Variants in TMEM120A observed in about 807,000 individuals in gnomAD.
TMEM120A encodes the protein ion channel TACAN.
In TMEM120A, 45 loss-of-function variants were observed where a neutral mutation model predicts 54.3. The ratio of observed to expected loss-of-function variants is 0.83; its 90% CI spans 0.65 to 1.06. TMEM120A has a LOEUF of 1.06. Ranked by LOEUF, TMEM120A falls within the 50% of genes least tolerant of loss-of-function variation. TMEM120A has a pLI of 0.00. For synonymous variants in TMEM120A, 204 were observed against 178.5 expected, an observed-to-expected ratio of 1.14 and a Z score of -1.14; for missense variants, 424 against 441.7, an observed-to-expected ratio of 0.96 and a Z score of 0.36.
chr7:75,992,407 T>C lies in TMEM120A; in HGVS notation c.200+32A>G, dbSNP rs781789514. 2.5e-6 allele frequency: 4 copies of C among 1,579,870 alleles called. No homozygotes were observed. The Admixed American group carries it at 5.4e-5, about 21-fold the overall frequency. On this transcript the variant is annotated intron_variant, in intron 2 of 11. Coordinates refer to ENST00000493111, the MANE Select transcript of TMEM120A (RefSeq NM_031925.3). ...GCGCCAGCCCTCCCACCCCACACTC[T>C]GCCCATGGCGGGTGGGGTAGGGGAT...
rs1319337751 is a variant in TMEM120A at position 75,987,432 on chromosome 7, A to G, written c.850-4T>C. On this transcript the variant is annotated splice_polypyrimidine_tract_variant and splice_region_variant and intron_variant, in intron 10 of 11. Transcript: ENST00000493111. ...GCGCGTTAAAAAGCTGCCAGAACTA[A>G]GCAGGGAGGAGGCATTTTACTCAGA... is the stretch of plus-strand genomic sequence containing the variant. The G allele has an allele frequency of 1.3e-6, 2 of 1,560,296 alleles. No homozygotes were observed. Among genetic ancestry groups the G allele is most frequent in the African/African-American group, 1.4e-5 (1 of 73,336 alleles).
Position 75,987,569 on chromosome 7 carries a change from G to C in TMEM120A, c.818C>G (p.Thr273Ser), listed in dbSNP as rs1164198145. The change falls in exon 10 of 12, where the codon ACC becomes AGC. Residue 273 changes from threonine (T) to serine (S), a missense_variant. Physicochemically the swap from Thr to Ser is moderately conservative, Grantham distance 58 (BLOSUM62 1). Transcript: ENST00000493111. ...AAAGAAAAGAAAAGGCAGCAGGAAG[G>C]TGAGGCCCCGCCACATCCAGGACTG... is the stretch of plus-strand genomic sequence containing the variant. Reference protein sequence around the residue: ...GFQSWMWRGLTFLLPFLFFGH... With the variant: ...GFQSWMWRGLSFLLPFLFFGH... The C allele has an allele frequency of 2.5e-6, 4 of 1,600,604 alleles. No homozygotes were observed. Among genetic ancestry groups the C allele is most frequent in the Non-Finnish European group, 3.4e-6 (4 of 1,173,700 alleles).
At chr7:75,991,689 C>T (rs983069642) in intron 3 of TMEM120A, among the ~76,000 whole-genome samples, 17 of 152,142 alleles carry the variant, frequency 1.1e-4, no homozygotes, top group African/African-American at 4.1e-4. Context: ...CAGGCATGAG[C>T]CACCGCGCCC....
At position 75,992,182 on chromosome 7, in the gene TMEM120A, G is replaced by C. The variant is rs782102457; in HGVS notation, c.279C>G (p.Leu93=). The part of the protein sequence containing the change: ...LENQMKERQG[L]FFDMEAYLPK... ...GCAAATAGGCCTCCATGTCAAAGAAGAGGCCTTGGCGCTCTTTCATCTGGT... is the reference window on the plus strand; with the variant it reads ...GCAAATAGGCCTCCATGTCAAAGAACAGGCCTTGGCGCTCTTTCATCTGGT... The change falls in exon 3 of 12, where the codon CTC becomes CTG. Residue 93 remains leucine, a synonymous_variant. Coordinates refer to ENST00000493111, the MANE Select transcript of TMEM120A (RefSeq NM_031925.3). 4 of 1,611,190 alleles carry C rather than the reference G, an allele frequency of 2.5e-6. No homozygotes were observed. The highest frequency in any genetic ancestry group is 2.2e-5 in the East Asian group (1 of 44,832).
At chr7:75,988,039 C>A in intron 7 of TMEM120A, 44 bp downstream of exon 7, 1 of 1,596,556 alleles carries the variant, frequency 6.3e-7, no homozygotes, top group African/African-American at 1.3e-5. Context: ...CGTGTATCCC[C>A]TCCTTGTCCC....
chr7:75,988,042 C>T, intron 7 of TMEM120A, 41 bp downstream of exon 7: 2 of 1,596,868 alleles, frequency 1.3e-6, no homozygotes, highest in Non-Finnish European at 1.7e-6. Flanking sequence ...GTATCCCCTC[C>T]TTGTCCCAGC....
chr7:75,987,845 G>A (rs532378396), intron 8 of TMEM120A, 35 bp from the exon 9 acceptor site: 5 of 1,604,114 alleles, frequency 3.1e-6, no homozygotes, highest in Non-Finnish European at 4.3e-6. Context: ...GCAGGGCTGA[G>A]CCCCGGGAGG....
rs1383269112 is a variant in TMEM120A at position 75,987,816 on chromosome 7, C to G, written c.692-6G>C. 1.2e-6 allele frequency: 2 copies of G among 1,610,778 alleles called. No individual in the cohort carries two copies. The highest frequency in any genetic ancestry group is 1.7e-6 in the Non-Finnish European group (2 of 1,179,172). On this transcript the variant is annotated splice_region_variant and splice_polypyrimidine_tract_variant and intron_variant, in intron 8 of 11. Transcript: ENST00000493111. ...CTGGAGAAACTGCACGAAGCCTGGG[C>G]CGGGCGGAGGACAGAGGAGCAGGGC...
rs1554562056 is a variant in TMEM120A, at chr7:75,992,429, G to A, written c.200+10C>T. 6.3e-7 allele frequency: 1 copy of A among 1,587,572 alleles called. No individual in the cohort carries two copies. Among genetic ancestry groups the A allele is most frequent in the Non-Finnish European group, 8.6e-7 (1 of 1,166,942 alleles). ...CTCTGCCCATGGCGGGTGGGGTAGG[G>A]GATCCTAACTTCTTCAGGGCGAGGG... On this transcript the variant is annotated intron_variant, in intron 2 of 11. Coordinates refer to ENST00000493111, the MANE Select transcript of TMEM120A (RefSeq NM_031925.3).
At chr7:75,987,899 A>G (rs1554560382) in intron 8 of TMEM120A, 24 bp downstream of exon 8, 1 of 1,600,512 alleles carries the variant, frequency 6.2e-7, no homozygotes, top group Non-Finnish European at 8.5e-7. Context: ...TCCAGGGCTC[A>G]GCACAGACAT....
chr7:75,987,400 A>G lies in TMEM120A; in HGVS notation c.878T>C (p.Leu293Ser). The change falls in exon 11 of 12, where the codon TTG becomes TCG. Residue 293 changes from leucine (L) to serine (S), a missense_variant. Physicochemically the swap from Leu to Ser is moderately radical, Grantham distance 145 (BLOSUM62 -2). Coordinates refer to ENST00000493111, the MANE Select transcript of TMEM120A (RefSeq NM_031925.3). ...CTGAGGGTCCTGGGCCAGGTTGAAC[A>G]ACGTCAGCGCGTTAAAAAGCTGCCA... ...HFWQLFNALTLFNLAQDPQCK... is the reference protein window; with the variant it reads ...HFWQLFNALTSFNLAQDPQCK... The G allele has an allele frequency of 6.4e-7, 1 of 1,565,286 alleles. No individual in the cohort carries two copies. The highest frequency in any genetic ancestry group is 8.7e-7 in the Non-Finnish European group (1 of 1,155,286).
At position 75,992,548 on chromosome 7, in the gene TMEM120A, G is replaced by T. The variant is rs781814451; in HGVS notation, c.91C>A (p.Arg31=). The part of the protein sequence containing the change: ...QDFQNIQETH[R]LYRLKLEELT... The stretch of plus-strand genomic sequence containing the variant: ...TCCTCCAGCTTCAGGCGGTAGAGCC[G>T]ATGGGTCTCCTGGGGGCCGGAGGGG... Residue 31 remains arginine (R), a synonymous_variant, in exon 2 of 12, where the codon CGG becomes AGG. Transcript: ENST00000493111. The T allele has an allele frequency of 3.2e-6, 5 of 1,575,964 alleles. No homozygotes were observed. The highest frequency in any genetic ancestry group is 4.3e-6 in the Non-Finnish European group (5 of 1,161,994).
In TMEM120A at chr7:75,992,166, C is replaced by T; in HGVS notation, c.295G>A (p.Ala99Thr). 2 of 1,608,922 alleles carry T rather than the reference C, an allele frequency of 1.2e-6. No homozygotes were observed. Among genetic ancestry groups the T allele is most frequent in the East Asian group, 2.2e-5 (1 of 44,762 alleles). The change falls in exon 3 of 12, where the codon GCC (alanine) becomes ACC (threonine). Residue 99 changes from alanine (A) to threonine (T), a missense_variant. Ala to Thr is a moderately conservative substitution (Grantham distance 58). Transcript: ENST00000493111. Reference sequence around the variant, plus strand: ...CACCCATTCTTCTTAGGCAAATAGGCCTCCATGTCAAAGAAGAGGCCTTGG... The same window carrying T: ...CACCCATTCTTCTTAGGCAAATAGGTCTCCATGTCAAAGAAGAGGCCTTGG... ...ERQGLFFDME[A>T]YLPKKNGLYL...
At chr7:75,992,363 C>G in intron 2 of TMEM120A, 76 bp downstream of exon 2, 1 of 1,551,642 alleles carries the variant, frequency 6.4e-7, no homozygotes, top group Non-Finnish European at 8.8e-7. Flanking sequence ...AGGGGAGGGG[C>G]GGTGCCCAGG....
Position 75,988,500 on chromosome 7 carries a change from C to A in TMEM120A, c.394G>T (p.Glu132Ter), listed in dbSNP as rs782766666. The change falls in exon 5 of 12, where the codon GAG (glutamate) becomes TAG (stop). Residue 132 changes from glutamate (E) to a stop codon, truncating the protein, a stop_gained. Coordinates refer to ENST00000493111, the MANE Select transcript of TMEM120A (RefSeq NM_031925.3). LOFTEE classifies it high-confidence loss of function. The stretch of plus-strand genomic sequence containing the variant: ...AGGTAGAGCTTGAACTTCTCATACT[C>A]GTCCTTGTAGGCAAACCTGGGGGGC... ...SKQAKFAYKD[E>*]YEKFKLYLTI... 4.2e-5 allele frequency: 68 copies of A among 1,606,920 alleles called. No homozygotes were observed. Among genetic ancestry groups the A allele is most frequent in the Non-Finnish European group, 1.0e-5 (12 of 1,178,684 alleles).
Position 75,994,571 on chromosome 7 carries a change from G to A in TMEM120A, c.-1C>T, listed in dbSNP as rs782151204. 1.3e-6 allele frequency: 2 copies of A among 1,540,546 alleles called. No homozygotes were observed. The highest frequency in any genetic ancestry group is 2.5e-5 in the East Asian group (1 of 39,276). On this transcript the variant is annotated 5_prime_UTR_variant, in exon 1 of 12. Transcript: ENST00000493111. ...GCGGGCCCGGGGGCGGGGGCTGCAT[G>A]GCTGCAGCGCCAGTAGCCAGTAGTG...
chr7:75,987,960 T>C lies in TMEM120A; in HGVS notation c.654A>G (p.Lys218=). 6.2e-7 allele frequency: 1 copy of C among 1,603,286 alleles called. No individual in the cohort carries two copies. The highest frequency in any genetic ancestry group is 8.5e-7 in the Non-Finnish European group (1 of 1,175,444). ...LTWPDGLMYQ[K]FRNQFLSFSM... ...AAAAGGAGAGGAATTGGTTCCGGAA[T>C]TTCTGGTACATGAGACCGTCGGGCC... The change falls in exon 8 of 12, where the codon AAA becomes AAG. Residue 218 remains lysine, a synonymous_variant. Transcript: ENST00000493111.
chr7:75,987,273 C>CGCA lies in TMEM120A; in HGVS notation c.928_930dup (p.Cys310dup). On this transcript the variant is annotated inframe_insertion, in exon 12 of 12. Transcript: ENST00000493111. ...AGGAAAAGGAGGAGGAAGGGAAAGC[C>CGCA]GCACATAAGCACCTGCCGGAGGAAT... is the stretch of plus-strand genomic sequence containing the variant. 3.1e-6 allele frequency: 5 copies of CGCA among 1,601,524 alleles called. No individual in the cohort carries two copies. The highest frequency in any genetic ancestry group is 4.3e-6 in the Non-Finnish European group (5 of 1,174,736).
intron 9 of TMEM120A, 41 bp downstream of exon 9, chr7:75,987,677 G>A: frequency 6.2e-7 from 1 of 1,608,514 alleles, no homozygotes; most frequent in Non-Finnish European, 8.5e-7. Flanking sequence ...GGGATGGGAG[G>A]AAAGGGGAAT....
Sources: allele counts gnomAD v4.1 joint callset (sites outside exome capture counted in the v4.1 genomes callset), GRCh38; gene constraint gnomAD v4.1.1; transcripts MANE v1.5; gene names NCBI Gene and HGNC (gene_info 2026-07-23, HGNC 2026-07-21).